The following OLFM2 variants were observed in gnomAD, a reference collection of about 807,000 sequenced individuals.
OLFM2 encodes the protein noelin-2.
OLFM2 carries 20 observed loss-of-function variants against 43.9 expected under a neutral mutation model. The observed-to-expected ratio is 0.46, with a 90% CI of 0.32 to 0.66. The LOEUF (loss-of-function observed/expected upper bound fraction) is 0.66. Among genes scored for constraint, OLFM2 ranks in the 30% least tolerant of loss-of-function variants. The pLI is 0.04. For synonymous variants in OLFM2, 268 were observed against 278.6 expected, an observed-to-expected ratio of 0.96 and a Z score of 0.38; for missense variants, 416 against 643.6, an observed-to-expected ratio of 0.65 and a Z score of 3.83.
intron 1 of OLFM2, among the ~76,000 whole-genome samples, chr19:9,916,363 G>GA (rs1310733641): frequency 2.6e-5 from 4 of 151,862 alleles, no homozygotes; most frequent in Admixed American, 6.6e-5. Flanking sequence ...CTGTCTAAAA[G>GA]AAAAAAAAGA....
chr19:9,897,662 G>C (rs1241968092), intron 1 of OLFM2, among the ~76,000 whole-genome samples: 2 of 152,112 alleles, frequency 1.3e-5, no homozygotes, highest in African/African-American at 4.8e-5. Context: ...GTAAAGGTCA[G>C]AGCAAAAACC....
At chr19:9,883,511 AGCT>A (rs1309743966) in intron 1 of OLFM2, among the ~76,000 whole-genome samples, 1 of 152,080 alleles carries the variant, frequency 6.6e-6, no homozygotes. Context: ...AGCACTGAGC[AGCT>A]GCTCCCAGTC....
intron 1 of OLFM2, among the ~76,000 whole-genome samples, chr19:9,914,733 C>CA (rs2046861391): frequency 6.6e-6 from 1 of 152,100 alleles, no homozygotes; most frequent in Non-Finnish European, 1.5e-5. Flanking sequence ...CCCGTCCGCC[C>CA]ACGCATCAGC....
chr19:9,914,809 C>T (rs932792901), intron 1 of OLFM2, among the ~76,000 whole-genome samples: 55 of 152,006 alleles, frequency 3.6e-4, no homozygotes, highest in Non-Finnish European at 6.9e-4. Flanking sequence ...TCTGTTTTGC[C>T]TGCACTCACG....
chr19:9,867,262 T>C (rs8110445), intron 1 of OLFM2, among the ~76,000 whole-genome samples: 72,931 of 151,982 alleles, frequency 0.48, 18,135 homozygotes, highest in Admixed American at 0.57. Flanking sequence ...GCCCAGCTAC[T>C]CAGGAGGCTG....
intron 1 of OLFM2, among the ~76,000 whole-genome samples, chr19:9,876,249 C>T (rs1229116707): frequency 6.6e-6 from 1 of 152,182 alleles, no homozygotes; most frequent in East Asian, 1.9e-4. Flanking sequence ...GGATGGATTT[C>T]TGAAATCAAT....
intron 1 of OLFM2, among the ~76,000 whole-genome samples, chr19:9,919,673 C>G (rs150297509): frequency 3.3e-3 from 490 of 147,264 alleles, no homozygotes; most frequent in African/African-American, 0.011. Flanking sequence ...GTAGAGATAG[C>G]ATTTTGCCAC....
intron 1 of OLFM2, among the ~76,000 whole-genome samples, chr19:9,934,223 T>C (rs145691886): frequency 0.029 from 4,351 of 152,210 alleles, 81 homozygotes; most frequent in Middle Eastern, 0.061. Context: ...AGGGGGTGTA[T>C]GGGGCGCCGA....
chr19:9,901,626 T>C lies in OLFM2; in HGVS notation c.63+34678A>G, dbSNP rs139305128. On this transcript the variant is annotated intron_variant, in intron 1 of 5. Transcript: ENST00000264833. ...AGGGCACTTTTGAGGCCACCTTTGTTGGCTTTGAGATCTCGCTTTGCCAGG... is the reference window on the plus strand; with the variant it reads ...AGGGCACTTTTGAGGCCACCTTTGTCGGCTTTGAGATCTCGCTTTGCCAGG... Among the ~76,000 whole-genome samples the C allele has an allele frequency of 3.9e-5, 6 of 152,266 alleles. No homozygotes were observed. The East Asian group carries it at 9.7e-4, about 25-fold the overall frequency.
intron 1 of OLFM2, among the ~76,000 whole-genome samples, chr19:9,870,597 G>A (rs1211616748): frequency 6.6e-6 from 1 of 152,146 alleles, no homozygotes; most frequent in Non-Finnish European, 1.5e-5. Context: ...TCCCTTCCCA[G>A]GTCACAGGAT....
intron 1 of OLFM2, among the ~76,000 whole-genome samples, chr19:9,887,367 T>C (rs1974810): frequency 0.92 from 139,587 of 151,814 alleles, 64,960 homozygotes; most frequent in Non-Finnish European, 1. Context: ...TTAGTAGAGA[T>C]GAGGTTTCTC....
At chr19:9,901,256 G>A (rs1237612754) in intron 1 of OLFM2, among the ~76,000 whole-genome samples, 2 of 151,352 alleles carry the variant, frequency 1.3e-5, no homozygotes, top group Admixed American at 1.3e-4. Flanking sequence ...AGAAAGAAAG[G>A]GAGGGAGGGA....
intron 1 of OLFM2, among the ~76,000 whole-genome samples, chr19:9,880,440 G>A (rs1240728346): frequency 6.6e-6 from 1 of 152,008 alleles, no homozygotes; most frequent in Non-Finnish European, 1.5e-5. Flanking sequence ...GTTGTTTAAT[G>A]AGGAGTTGGG....
chr19:9,931,662 ATACTG>A (rs34362762), intron 1 of OLFM2, among the ~76,000 whole-genome samples: 47,662 of 147,254 alleles, frequency 0.32, 10,407 homozygotes, highest in African/African-American at 0.63. Flanking sequence ...GATCATCACA[ATACTG>A]TACTGTACTC....
intron 1 of OLFM2, among the ~76,000 whole-genome samples, chr19:9,894,653 G>A (rs1017031034): frequency 2.7e-5 from 4 of 149,726 alleles, no homozygotes; most frequent in East Asian, 2.0e-4. Context: ...AGGTTGCAGT[G>A]AGCCGAGATT....
At chr19:9,921,407 C>G (rs932978487) in intron 1 of OLFM2, among the ~76,000 whole-genome samples, 2 of 152,164 alleles carry the variant, frequency 1.3e-5, no homozygotes, top group African/African-American at 4.8e-5. Flanking sequence ...GCATGAGCCA[C>G]TGCACCCAGC....
chr19:9,866,275 G>A (rs1187855965), intron 1 of OLFM2, among the ~76,000 whole-genome samples: 2 of 152,110 alleles, frequency 1.3e-5, no homozygotes, highest in African/African-American at 2.4e-5. Flanking sequence ...GAATGTTCTG[G>A]AATGTACCAT....
At chr19:9,899,891 G>A (rs1423173869) in intron 1 of OLFM2, among the ~76,000 whole-genome samples, 1 of 151,064 alleles carries the variant, frequency 6.6e-6, no homozygotes, top group Non-Finnish European at 1.5e-5. Context: ...CCTCTGTACT[G>A]CGCTTATGGC....
Position 9,930,876 on chromosome 19 carries a change from T to TCAA in OLFM2, c.63+5425_63+5427dup, listed in dbSNP as rs1388980002. Among the ~76,000 whole-genome samples, 3 of 152,024 alleles carry TCAA rather than the reference T, an allele frequency of 2.0e-5. No individual in the cohort carries two copies. The East Asian group carries it at 5.8e-4, about 29-fold the overall frequency. On this transcript the variant is annotated intron_variant, in intron 1 of 5. Transcript: ENST00000264833. ...TCAAATATCATCATCATCATCATCA[T>TCAA]CAACTTTTTAAAATGTTTGCACCCG... is the stretch of plus-strand genomic sequence containing the variant.
Sources: gnomAD v4.1 joint callset for allele counts (sites outside exome capture counted in the v4.1 genomes callset) on GRCh38, gnomAD v4.1.1 for gene constraint, MANE v1.5 for transcripts, NCBI Gene and HGNC (gene_info 2026-07-23, HGNC 2026-07-21) for gene names.